Variants in CNTN5 observed in about 807,000 individuals in gnomAD.
The protein encoded by CNTN5 is contactin 5.
CNTN5 carries 77 observed loss-of-function variants against 129.1 expected under a neutral mutation model. The observed-to-expected ratio is 0.60, with a 90% CI of 0.50 to 0.72. The LOEUF (loss-of-function observed/expected upper bound fraction) is 0.72. Among genes scored for constraint, CNTN5 ranks in the 30% least tolerant of loss-of-function variants. CNTN5 has a pLI of 0.00. For missense variants in CNTN5, 1,478 were observed against 1,328.8 expected, an observed-to-expected ratio of 1.11 and a Z score of -1.75; for synonymous variants, 509 against 465.6, an observed-to-expected ratio of 1.09 and a Z score of -1.20.
At chr11:99,356,801 A>G (rs968900499) in intron 2 of CNTN5, among the ~76,000 whole-genome samples, 1 of 152,220 alleles carries the variant, frequency 6.6e-6, no homozygotes, top group African/African-American at 2.4e-5. Context: ...ATTAAAGTCA[A>G]TGGGATTTCT....
rs550401368 is a variant in CNTN5, at chr11:100,038,512, C to A, written c.981-22700C>A. On this transcript the variant is annotated intron_variant, in intron 9 of 24. Transcript: ENST00000524871. ...CTTGGTGCAGAGCTGAGTTCAATTG[C>A]TGGGTATCCTTGTTAACTTTCTGTC... 2.0e-5 allele frequency among the ~76,000 whole-genome samples: 3 copies of A among 152,298 alleles called. No individual in the cohort carries two copies. In the South Asian group the frequency reaches 6.2e-4, roughly 32 times the overall value.
At chr11:99,101,637 G>A (rs890280754) in intron 1 of CNTN5, among the ~76,000 whole-genome samples, 7 of 152,180 alleles carry the variant, frequency 4.6e-5, no homozygotes, top group African/African-American at 1.2e-4. Flanking sequence ...ACTACAAAAT[G>A]ATCTCCTCTG....
chr11:99,644,367 G>GT (rs1340290050), intron 3 of CNTN5, among the ~76,000 whole-genome samples: 5 of 152,112 alleles, frequency 3.3e-5, no homozygotes, highest in African/African-American at 1.2e-4. Flanking sequence ...GGATTGTACT[G>GT]TCCTTGAAAT....
intron 1 of CNTN5, among the ~76,000 whole-genome samples, chr11:99,033,605 T>G (rs1266953528): frequency 6.6e-5 from 10 of 151,772 alleles, no homozygotes; most frequent in Non-Finnish European, 1.2e-4. Flanking sequence ...TTGTGATTTT[T>G]GTACATTGAT....
At chr11:99,342,137 A>G (rs2136057889) in intron 2 of CNTN5, among the ~76,000 whole-genome samples, 1 of 152,296 alleles carries the variant, frequency 6.6e-6, no homozygotes, top group Admixed American at 6.5e-5. Context: ...AAGATATGGA[A>G]AAAATAGTCT....
intron 1 of CNTN5, among the ~76,000 whole-genome samples, chr11:99,281,410 C>A (rs965736053): frequency 6.6e-6 from 1 of 151,974 alleles, no homozygotes; most frequent in Non-Finnish European, 1.5e-5. Context: ...TTCTGTAACA[C>A]TGATGTAAGT....
rs12422194 is a variant in CNTN5, at chr11:99,523,720, A to T, written c.-70-32425A>T. On this transcript the variant is annotated intron_variant, in intron 2 of 24. Coordinates refer to ENST00000524871, the MANE Select transcript of CNTN5 (RefSeq NM_014361.4). ...AGAATAGAACAGAATAGAATAGAAT[A>T]GAATAGAATATGTGTTTGTTTTTGT... 9.0e-3 allele frequency among the ~76,000 whole-genome samples: 1,252 copies of T among 139,804 alleles called. 46 individuals carry two copies. In the East Asian group the frequency reaches 0.097, roughly 11 times the overall value. 91.7% of individuals were successfully genotyped at this position (139,804 alleles called of 152,430 possible).
intron 1 of CNTN5, among the ~76,000 whole-genome samples, chr11:99,119,758 C>T (rs1858217598): frequency 6.6e-6 from 1 of 152,022 alleles, no homozygotes; most frequent in African/African-American, 2.4e-5. Flanking sequence ...CCACCAACAA[C>T]ATATTAGCAT....
At chr11:100,278,160 AT>A (rs1173911154) in intron 18 of CNTN5, among the ~76,000 whole-genome samples, 6 of 152,000 alleles carry the variant, frequency 3.9e-5, no homozygotes, top group Non-Finnish European at 8.8e-5. Context: ...ATTCTGTTCC[AT>A]TGGTCAATGT....
chr11:99,724,089 C>A (rs1943259620), intron 3 of CNTN5, among the ~76,000 whole-genome samples: 1 of 152,170 alleles, frequency 6.6e-6, no homozygotes, highest in Admixed American at 6.5e-5. Context: ...AAACTAGAAA[C>A]TTCCTGTCTT....
intron 2 of CNTN5, among the ~76,000 whole-genome samples, chr11:99,481,982 G>A (rs1936929431): frequency 6.6e-6 from 1 of 152,090 alleles, no homozygotes; most frequent in Admixed American, 6.6e-5. Context: ...AATGATTTAA[G>A]AATTAATGAA....
intron 2 of CNTN5, among the ~76,000 whole-genome samples, chr11:99,376,409 G>A (rs1219864671): frequency 6.6e-6 from 1 of 152,160 alleles, no homozygotes; most frequent in Non-Finnish European, 1.5e-5. Flanking sequence ...GGACACTCCT[G>A]TCAGTGACGT....
At chr11:99,652,023 T>C (rs972440217) in intron 3 of CNTN5, among the ~76,000 whole-genome samples, 1 of 152,080 alleles carries the variant, frequency 6.6e-6, no homozygotes, top group African/African-American at 2.4e-5. Context: ...TCAAAGTTTC[T>C]GTGGTTCAGA....
chr11:99,992,969 A>G (rs904637373), intron 8 of CNTN5, among the ~76,000 whole-genome samples: 2 of 152,204 alleles, frequency 1.3e-5, no homozygotes, highest in African/African-American at 2.4e-5. Context: ...CTATATATTC[A>G]GCTCCATACT....
At chr11:99,862,082 G>C (rs1404031361) in intron 6 of CNTN5, among the ~76,000 whole-genome samples, 1 of 151,952 alleles carries the variant, frequency 6.6e-6, no homozygotes, top group African/African-American at 2.4e-5. Flanking sequence ...GTATGCTATA[G>C]TAAATATGGA....
chr11:100,244,184 A>G (rs1949797014), intron 16 of CNTN5, among the ~76,000 whole-genome samples: 1 of 152,196 alleles, frequency 6.6e-6, no homozygotes, highest in South Asian at 2.1e-4. Flanking sequence ...TTCTCTGATC[A>G]AACTTAAGCC....
chr11:99,765,122 T>G lies in CNTN5; in HGVS notation c.56-54422T>G, dbSNP rs1944709394. On this transcript the variant is annotated intron_variant, in intron 3 of 24. Transcript: ENST00000524871. ...TGTGAATAAATAGAATATAAAATAT[T>G]ATTACATGTCAAATACTTTTTGACC... Among the ~76,000 whole-genome samples, 3 of 152,072 alleles carry G rather than the reference T, an allele frequency of 2.0e-5. No individual in the cohort carries two copies. The South Asian group carries it at 6.2e-4, about 31-fold the overall frequency.
chr11:99,611,949 T>C (rs1306580623), intron 3 of CNTN5, among the ~76,000 whole-genome samples: 3 of 152,148 alleles, frequency 2.0e-5, no homozygotes, highest in East Asian at 1.9e-4. Flanking sequence ...TTATTCCATA[T>C]GGGAGAGTAA....
intron 2 of CNTN5, among the ~76,000 whole-genome samples, chr11:99,331,310 A>G (rs1865990366): frequency 6.6e-6 from 1 of 152,144 alleles, no homozygotes; most frequent in South Asian, 2.1e-4. Context: ...TGCTAGTAAA[A>G]TATATTACTC....
Sources: gnomAD v4.1 joint callset for allele counts (sites outside exome capture counted in the v4.1 genomes callset) on GRCh38, gnomAD v4.1.1 for gene constraint, MANE v1.5 for transcripts, NCBI Gene and HGNC (gene_info 2026-07-23, HGNC 2026-07-21) for gene names.